ASPHD2: variants seen among roughly 807,000 people sequenced by gnomAD.
The protein encoded by ASPHD2 is aspartate beta-hydroxylase domain containing 2, also known as aspartate beta-hydroxylase domain-containing protein 2.
In ASPHD2, 12 loss-of-function variants were observed where a neutral mutation model predicts 34.6. That is an observed-to-expected ratio of 0.35 (90% CI 0.22 to 0.56). The LOEUF (loss-of-function observed/expected upper bound fraction) is 0.56, where lower values mean the gene tolerates loss of function less well. Among genes scored for constraint, ASPHD2 ranks in the 20% least tolerant of loss-of-function variants. The pLI, the probability that ASPHD2 is intolerant of heterozygous loss-of-function variation, is 0.87. For synonymous variants in ASPHD2, 224 were observed against 212.2 expected, an observed-to-expected ratio of 1.06 and a Z score of -0.48; for missense variants, 375 against 505.0, an observed-to-expected ratio of 0.74 and a Z score of 2.47.
intron 1 of ASPHD2, among the ~76,000 whole-genome samples, chr22:26,431,934 G>A (rs572713149): frequency 9.2e-5 from 14 of 152,316 alleles, no homozygotes; most frequent in African/African-American, 2.9e-4. Flanking sequence ...AGTGGCTCAC[G>A]CCTGTAATCC....
In ASPHD2 at chr22:26,433,848, T is replaced by A. The variant is rs760891452; in HGVS notation, c.233T>A (p.Val78Glu). The A allele has an allele frequency of 6.2e-7, 1 of 1,613,960 alleles. No homozygotes were observed. Among genetic ancestry groups the A allele is most frequent in the Non-Finnish European group, 8.5e-7 (1 of 1,180,026 alleles). The change falls in exon 2 of 4, where the codon GTG (valine) becomes GAG (glutamate). Residue 78 changes from valine (V) to glutamate (E), a missense_variant. Transcript: ENST00000215906. This position sits in a 1 kb window ranked among gnomAD's most constrained non-coding sequence, Gnocchi z 5.1. ...CTCTTCGTGTGGTACTGTTATCACGTGGGCAGGGAGCAGCCCCGGCCCTAC... is the reference window on the plus strand; with the variant it reads ...CTCTTCGTGTGGTACTGTTATCACGAGGGCAGGGAGCAGCCCCGGCCCTAC... Reference protein sequence around the residue: ...LVLFVWYCYHVGREQPRPYVS... With the variant: ...LVLFVWYCYHEGREQPRPYVS...
chr22:26,434,562 C>T (rs1349880797), intron 2 of ASPHD2, 61 bp downstream of exon 2: 4 of 1,498,130 alleles, frequency 2.7e-6, no homozygotes, highest in South Asian at 2.7e-5. Flanking sequence ...CCCTCTCCAT[C>T]AAAACATCGC....
In ASPHD2 at chr22:26,434,259, C is replaced by A. The variant is rs780554272; in HGVS notation, c.644C>A (p.Pro215Gln). ...AAAGCTTTCTCAAACTGCAGCCTCCCGCAAGGATGGAAAATGAACAGCACC... is the reference window on the plus strand; with the variant it reads ...AAAGCTTTCTCAAACTGCAGCCTCCAGCAAGGATGGAAAATGAACAGCACC... ...LYKAFSNCSL[P>Q]QGWKMNSTPS... Residue 215 changes from proline (P) to glutamine (Q), a missense_variant, in exon 2 of 4, where the codon CCG (proline) becomes CAG (glutamine). Transcript: ENST00000215906. The A allele has an allele frequency of 1.2e-6, 2 of 1,614,176 alleles. No individual in the cohort carries two copies. Among genetic ancestry groups the A allele is most frequent in the Non-Finnish European group, 1.7e-6 (2 of 1,180,040 alleles).
rs1568981669 is a variant in ASPHD2, at chr22:26,433,641, C to CG, written c.27dup (p.Arg10GlufsTer3). 6.2e-7 allele frequency: 1 copy of CG among 1,614,090 alleles called. No individual in the cohort carries two copies. The highest frequency in any genetic ancestry group is 1.7e-5 in the Admixed American group (1 of 60,024). ...ATGGTGTGGGCGCCCTTGGGACCCCCGAGGACTGATTGTCTGACCTTGCTT... is the reference window on the plus strand; with the variant it reads ...ATGGTGTGGGCGCCCTTGGGACCCCCGGAGGACTGATTGTCTGACCTTGCTT... On this transcript the variant is annotated frameshift_variant, in exon 2 of 4. Transcript: ENST00000215906. LOFTEE classifies it high-confidence loss of function. This position sits in a 1 kb window ranked among gnomAD's most constrained non-coding sequence, Gnocchi z 5.1.
chr22:26,440,754 C>T (rs2084830896), intron 2 of ASPHD2, among the ~76,000 whole-genome samples: 1 of 152,218 alleles, frequency 6.6e-6, no homozygotes, highest in Non-Finnish European at 1.5e-5. Context: ...CATTCTCCAG[C>T]CTCAAAACGG....
chr22:26,444,173 G>A lies in ASPHD2; in HGVS notation c.*967G>A, dbSNP rs1170526754. On this transcript the variant is annotated 3_prime_UTR_variant, in exon 4 of 4. Transcript: ENST00000215906. ...GGGAAAGCCTTTCTCTGGCAAAACTGGAATAATAGATCTGACCAAAGTTTC... is the reference window on the plus strand; with the variant it reads ...GGGAAAGCCTTTCTCTGGCAAAACTAGAATAATAGATCTGACCAAAGTTTC... 2.0e-5 allele frequency: 3 copies of A among 152,076 alleles called. No individual in the cohort carries two copies. The East Asian group carries it at 5.8e-4, about 29-fold the overall frequency. The allele number at this position is 152,076 out of a possible 1,614,324, so 9.4% of individuals were successfully genotyped here.
At chr22:26,438,234 A>G (rs758668552) in intron 2 of ASPHD2, among the ~76,000 whole-genome samples, 10 of 152,148 alleles carry the variant, frequency 6.6e-5, no homozygotes, top group Non-Finnish European at 8.8e-5. Context: ...AGGAAAACGT[A>G]GCCTCTGAGT....
At chr22:26,440,246 A>G (rs1163554991) in intron 2 of ASPHD2, among the ~76,000 whole-genome samples, 1 of 151,394 alleles carries the variant, frequency 6.6e-6, no homozygotes, top group African/African-American at 2.4e-5. Context: ...AGGGTCACAC[A>G]TGGCAGTGTT....
At chr22:26,441,901 C>T (rs888677089) in intron 2 of ASPHD2, among the ~76,000 whole-genome samples, 3 of 148,906 alleles carry the variant, frequency 2.0e-5, no homozygotes, top group South Asian at 2.2e-4. Context: ...CCAGCCTGGG[C>T]GACAGAGTGA....
intron 2 of ASPHD2, among the ~76,000 whole-genome samples, chr22:26,440,230 C>T (rs1478456041): frequency 2.0e-5 from 3 of 152,190 alleles, no homozygotes; most frequent in Non-Finnish European, 4.4e-5. Context: ...TTGGAAAGGG[C>T]GACTGAGGGT....
At chr22:26,436,137 G>A (rs3788400) in intron 2 of ASPHD2, among the ~76,000 whole-genome samples, 66,061 of 152,060 alleles carry the variant, frequency 0.43, 15,063 homozygotes, top group East Asian at 0.49. Flanking sequence ...AACAGGCTTC[G>A]GAAGCAAACA....
Position 26,433,884 on chromosome 22 carries a change from A to C in ASPHD2, c.269A>C (p.Asn90Thr). ...REQPRPYVSV[N>T]SLMQAADANG... Reference sequence around the variant, plus strand: ...CAGCCCCGGCCCTACGTCTCCGTCAACTCCCTCATGCAGGCTGCCGATGCC... The same window carrying C: ...CAGCCCCGGCCCTACGTCTCCGTCACCTCCCTCATGCAGGCTGCCGATGCC... Residue 90 changes from asparagine (N) to threonine (T), a missense_variant, in exon 2 of 4, where the codon AAC (asparagine) becomes ACC (threonine). Asn to Thr is a moderately conservative substitution (Grantham distance 65). Coordinates refer to ENST00000215906, the MANE Select transcript of ASPHD2 (RefSeq NM_020437.5). The surrounding 1 kb of genome is among the most constrained non-coding windows in gnomAD (Gnocchi z 5.1). 5 of 1,613,472 alleles carry C rather than the reference A, an allele frequency of 3.1e-6. No homozygotes were observed. Among genetic ancestry groups the C allele is most frequent in the East Asian group, 4.5e-5 (2 of 44,854 alleles).
chr22:26,443,101 A>T lies in ASPHD2; in HGVS notation c.1005A>T (p.Ser335=), dbSNP rs774719903. The T allele has an allele frequency of 5.0e-6, 8 of 1,613,772 alleles. No homozygotes were observed. The highest frequency in any genetic ancestry group is 6.8e-6 in the Non-Finnish European group (8 of 1,179,772). The change falls in exon 4 of 4, where the codon TCA becomes TCT. Residue 335 remains serine (S), a synonymous_variant. Transcript: ENST00000215906. The part of the protein sequence containing the change: ...SFLHAAFHEG[S]AEDGPRVVFM... ...TCACCCCTCCTTCCCCCCCAGGTTCAGCAGAGGATGGCCCACGGGTGGTTT... is the reference window on the plus strand; with the variant it reads ...TCACCCCTCCTTCCCCCCCAGGTTCTGCAGAGGATGGCCCACGGGTGGTTT...
rs1339987731 is a variant in ASPHD2, at chr22:26,445,015, A to C, written c.*1809A>C. On this transcript the variant is annotated 3_prime_UTR_variant, in exon 4 of 4. Coordinates refer to ENST00000215906, the MANE Select transcript of ASPHD2 (RefSeq NM_020437.5). Reference sequence around the variant, plus strand: ...AATAAAGGATCTTGCTGAAAACCAGAGTGAAGTGGTGAGGTCATCTGTTGT... The same window carrying C: ...AATAAAGGATCTTGCTGAAAACCAGCGTGAAGTGGTGAGGTCATCTGTTGT... 2 of 152,180 alleles carry C rather than the reference A, an allele frequency of 1.3e-5. No homozygotes were observed. The highest frequency in any genetic ancestry group is 3.8e-4 in the East Asian group (2 of 5,200). 9.4% of individuals were successfully genotyped at this position (152,180 alleles called of 1,614,324 possible).
rs867381634 is a variant in ASPHD2, at chr22:26,434,483, C to T, written c.868C>T (p.Arg290Cys). 4.4e-6 allele frequency: 7 copies of T among 1,590,324 alleles called. No homozygotes were observed. The highest frequency in any genetic ancestry group is 2.3e-5 in the East Asian group (1 of 44,330). Reference sequence around the variant, plus strand: ...GGAGCACTATGGACCCACCAACATCCGCATCCGATGCCATTTAGGTATGTT... The same window carrying T: ...GGAGCACTATGGACCCACCAACATCTGCATCCGATGCCATTTAGGTATGTT... The part of the protein sequence containing the change: ...ITEHYGPTNI[R>C]IRCHLGLKTP... The change falls in exon 2 of 4, where the codon CGC (arginine) becomes TGC (cysteine). Residue 290 changes from arginine (R) to cysteine (C), a missense_variant. This residue lies in a region of ASPHD2 where 142 missense variants were observed against 217.9 expected (regional missense o/e 0.65). Coordinates refer to ENST00000215906, the MANE Select transcript of ASPHD2 (RefSeq NM_020437.5).
In ASPHD2 at chr22:26,443,507, G is replaced by GT. The variant is rs2084873962; in HGVS notation, c.*301_*302insT. On this transcript the variant is annotated 3_prime_UTR_variant, in exon 4 of 4. Coordinates refer to ENST00000215906, the MANE Select transcript of ASPHD2 (RefSeq NM_020437.5). ...GTCCTTGAGTGACCAGAGACTTAGT[G>GT]CCCTTGTAAGTCTGTCTTCTGTTGC... The GT allele has an allele frequency of 4.0e-6, 1 of 247,880 alleles. No individual in the cohort carries two copies. The highest frequency in any genetic ancestry group is 5.3e-5 in the Admixed American group (1 of 18,756). The allele number at this position is 247,880 out of a possible 1,614,324, so 15.4% of individuals were successfully genotyped here.
chr22:26,433,880 G>A lies in ASPHD2; in HGVS notation c.265G>A (p.Val89Ile), dbSNP rs781104070. The A allele has an allele frequency of 1.2e-5, 20 of 1,613,626 alleles. No homozygotes were observed. In the South Asian group the frequency reaches 1.9e-4, roughly 15 times the overall value. ...GREQPRPYVS[V>I]NSLMQAADAN... Reference sequence around the variant, plus strand: ...GGAGCAGCCCCGGCCCTACGTCTCCGTCAACTCCCTCATGCAGGCTGCCGA... The same window carrying A: ...GGAGCAGCCCCGGCCCTACGTCTCCATCAACTCCCTCATGCAGGCTGCCGA... The change falls in exon 2 of 4, where the codon GTC becomes ATC. Residue 89 changes from valine (V) to isoleucine (I), a missense_variant. By Grantham distance (29) the Val-to-Ile change is conservative (BLOSUM62 3). Around this residue, in one of 3 missense-constraint regions of ASPHD2, gnomAD observed 223 missense variants for 257.8 expected, o/e 0.87. Coordinates refer to ENST00000215906, the MANE Select transcript of ASPHD2 (RefSeq NM_020437.5). This position sits in a 1 kb window ranked among gnomAD's most constrained non-coding sequence, Gnocchi z 5.1.
chr22:26,434,570 C>A lies in ASPHD2; in HGVS notation c.886+69C>A, dbSNP rs1601701000. The A allele has an allele frequency of 5.4e-6, 8 of 1,483,262 alleles. No individual in the cohort carries two copies. The Middle Eastern group carries it at 1.1e-3, about 201-fold the overall frequency. The allele number at this position is 1,483,262 out of a possible 1,614,324, so 91.9% of individuals were successfully genotyped here. On this transcript the variant is annotated intron_variant, in intron 2 of 3. Coordinates refer to ENST00000215906, the MANE Select transcript of ASPHD2 (RefSeq NM_020437.5). ...GCTCAGCCCCTCTCCATCAAAACAT[C>A]GCGAAAGCTCAAATGGTCAGAATTG...
In ASPHD2 at chr22:26,433,950, A is replaced by C. The variant is rs199628316; in HGVS notation, c.335A>C (p.Glu112Ala). The change falls in exon 2 of 4, where the codon GAG (glutamate) becomes GCG (alanine). Residue 112 changes from glutamate to alanine, a missense_variant. Physicochemically the swap from Glu to Ala is moderately radical, Grantham distance 107. Coordinates refer to ENST00000215906, the MANE Select transcript of ASPHD2 (RefSeq NM_020437.5). The surrounding 1 kb of genome is among the most constrained non-coding windows in gnomAD (Gnocchi z 5.1). ...QNGYVYCQSPECVRCTHNEGL... is the reference protein window; with the variant it reads ...QNGYVYCQSPACVRCTHNEGL... ...GGCTACGTGTACTGCCAGTCCCCTG[A>C]GTGCGTGCGCTGCACCCACAACGAG... 1.0e-4 allele frequency: 161 copies of C among 1,613,580 alleles called. No homozygotes were observed. In the Middle Eastern group the frequency reaches 2.0e-3, roughly 20 times the overall value.
Sources: allele counts gnomAD v4.1 joint callset (sites outside exome capture counted in the v4.1 genomes callset), GRCh38; gene constraint gnomAD v4.1.1; regional missense constraint gnomAD v4.1.1; non-coding constraint Gnocchi (gnomAD v3.1); transcripts MANE v1.5; gene names NCBI Gene and HGNC (gene_info 2026-07-23, HGNC 2026-07-21).